Variants in INPP4B observed in about 807,000 individuals in gnomAD.
INPP4B encodes the protein inositol polyphosphate-4-phosphatase type II B.
Under a neutral mutation model 122.5 loss-of-function variants are expected in INPP4B, and 55 were observed. The observed-to-expected ratio is 0.45, with a 90% CI of 0.36 to 0.56. INPP4B has a LOEUF of 0.56. INPP4B is among the 20% of genes least tolerant of loss of function. The pLI is 0.00. For synonymous variants in INPP4B, 403 were observed against 388.7 expected (o/e 1.04, Z -0.43); for missense variants, 1,000 against 1,097.7 (o/e 0.91, Z 1.26).
chr4:142,816,820 G>A (rs1780172954), intron 1 of INPP4B, among the ~76,000 whole-genome samples: 1 of 151,960 alleles, frequency 6.6e-6, no homozygotes, highest in Non-Finnish European at 1.5e-5. Context: ...TACCTACTGA[G>A]TTCCAAATAC....
intron 7 of INPP4B, among the ~76,000 whole-genome samples, chr4:142,370,765 CAT>C (rs1561950763): frequency 6.6e-6 from 1 of 151,846 alleles, no homozygotes; most frequent in Non-Finnish European, 1.5e-5. Flanking sequence ...AATTGCAAAA[CAT>C]CAAAGAAAAA....
At chr4:142,093,711 A>T (rs572239163) in intron 23 of INPP4B, among the ~76,000 whole-genome samples, 4 of 152,298 alleles carry the variant, frequency 2.6e-5, no homozygotes, top group African/African-American at 9.6e-5. Flanking sequence ...ATAAGAACAG[A>T]CAAAACTCCA....
At chr4:142,569,377 T>G (rs1011593726) in intron 2 of INPP4B, among the ~76,000 whole-genome samples, 1 of 152,088 alleles carries the variant, frequency 6.6e-6, no homozygotes, top group African/African-American at 2.4e-5. Context: ...TTTGCTTGCT[T>G]TTGCTTATTA....
At chr4:142,430,727 C>A (rs1254991600) in intron 4 of INPP4B, among the ~76,000 whole-genome samples, 2 of 151,964 alleles carry the variant, frequency 1.3e-5, no homozygotes, top group Non-Finnish European at 2.9e-5. Context: ...GTCTAAATTT[C>A]TAGTGTAACA....
intron 1 of INPP4B, among the ~76,000 whole-genome samples, chr4:142,843,436 C>T (rs1783807122): frequency 6.6e-6 from 1 of 151,834 alleles, no homozygotes; most frequent in African/African-American, 2.4e-5. Flanking sequence ...ATATACAGGA[C>T]ATGTTGAAAA....
At chr4:142,317,789 GAACA>G (rs1172634677) in intron 7 of INPP4B, among the ~76,000 whole-genome samples, 1 of 152,016 alleles carries the variant, frequency 6.6e-6, no homozygotes, top group African/African-American at 2.4e-5. Context: ...AAACAAAAAT[GAACA>G]AACAAACATA....
At chr4:142,255,524 T>C (rs1410962710) in intron 11 of INPP4B, among the ~76,000 whole-genome samples, 2 of 151,598 alleles carry the variant, frequency 1.3e-5, no homozygotes, top group East Asian at 1.9e-4. Context: ...ACCAAGCAAA[T>C]GGAAAACAAA....
intron 9 of INPP4B, among the ~76,000 whole-genome samples, chr4:142,277,996 A>T (rs1029672817): frequency 6.6e-6 from 1 of 151,808 alleles, no homozygotes; most frequent in Non-Finnish European, 1.5e-5. Context: ...AATCACAGAA[A>T]TCACCACTAA....
Position 142,426,061 on chromosome 4 carries a change from T to C in INPP4B, c.136+3112A>G, listed in dbSNP as rs184491626. On this transcript the variant is annotated intron_variant, in intron 5 of 25. Transcript: ENST00000262992. ...CACATATGCAAACATATGCATGCCA[T>C]TCTTTCCTATGTATTTAATAGGTAT... Among the ~76,000 whole-genome samples the C allele has an allele frequency of 2.3e-3, 347 of 152,166 alleles. 1 individual carries two copies. Among genetic ancestry groups the C allele is most frequent in the Non-Finnish European group, 4.1e-3 (280 of 67,952 alleles).
At chr4:142,268,180 G>A (rs981525192) in intron 10 of INPP4B, among the ~76,000 whole-genome samples, 2 of 150,898 alleles carry the variant, frequency 1.3e-5, no homozygotes, top group African/African-American at 2.4e-5. Flanking sequence ...AAAATTAGCC[G>A]GGCATGGTGG....
intron 2 of INPP4B, among the ~76,000 whole-genome samples, chr4:142,553,199 CTT>C (rs1377172096): frequency 6.6e-6 from 1 of 152,114 alleles, no homozygotes; most frequent in African/African-American, 2.4e-5. Flanking sequence ...GTCAGAAGCT[CTT>C]GTTTCCTCAC....
intron 2 of INPP4B, among the ~76,000 whole-genome samples, chr4:142,606,259 G>A (rs1051295255): frequency 5.9e-5 from 9 of 151,814 alleles, no homozygotes; most frequent in Non-Finnish European, 1.0e-4. Context: ...GAAGGGTGGG[G>A]AAGGGATATA....
intron 12 of INPP4B, among the ~76,000 whole-genome samples, chr4:142,219,342 A>G (rs1848490467): frequency 1.3e-5 from 2 of 152,192 alleles, no homozygotes; most frequent in South Asian, 2.1e-4. Flanking sequence ...ATGAAGAACA[A>G]TAAGTATGTC....
intron 2 of INPP4B, among the ~76,000 whole-genome samples, chr4:142,559,531 A>C (rs1319414433): frequency 1.3e-5 from 2 of 152,174 alleles, no homozygotes; most frequent in Non-Finnish European, 2.9e-5. Context: ...ATCAAATAGC[A>C]AGGATGTCTT....
In INPP4B at chr4:142,026,468, T is replaced by A. The variant is rs1737033855; in HGVS notation, c.*2314A>T. 1 of 152,222 alleles carries A rather than the reference T, an allele frequency of 6.6e-6. No homozygotes were observed. The highest frequency in any genetic ancestry group is 6.6e-5 in the Admixed American group (1 of 15,264). The allele number at this position is 152,222 out of a possible 1,614,324, so 9.4% of individuals were successfully genotyped here. A position where few individuals can be genotyped will look rare whatever the true frequency, so the allele number is the denominator to read the frequency against. ...TAATTTGAGACTTCTATATTATTCA[T>A]TTATTTACTTATTTAAAGATGGAGT... On this transcript the variant is annotated 3_prime_UTR_variant, in exon 26 of 26. Transcript: ENST00000262992.
At chr4:142,580,238 T>C (rs529785326) in intron 2 of INPP4B, among the ~76,000 whole-genome samples, 5 of 151,942 alleles carry the variant, frequency 3.3e-5, no homozygotes, top group African/African-American at 7.2e-5. Context: ...CACTTACTAG[T>C]TGTGCTAGCT....
intron 7 of INPP4B, among the ~76,000 whole-genome samples, chr4:142,358,582 G>A (rs993005683): frequency 3.5e-4 from 51 of 147,098 alleles, no homozygotes; most frequent in African/African-American, 1.0e-3. Flanking sequence ...AAACTGCTAC[G>A]CCTAGGCTAT....
intron 12 of INPP4B, among the ~76,000 whole-genome samples, chr4:142,220,377 A>G (rs1375657137): frequency 1.3e-5 from 2 of 152,202 alleles, no homozygotes; most frequent in Admixed American, 1.3e-4. Context: ...ACTGCTGGAA[A>G]GCCAACCAAC....
At chr4:142,442,040 C>A (rs1811836106) in intron 3 of INPP4B, among the ~76,000 whole-genome samples, 1 of 151,440 alleles carries the variant, frequency 6.6e-6, no homozygotes, top group Admixed American at 6.6e-5. Context: ...TATTTTTTTT[C>A]TTAAATAAAA....
Sources: gnomAD v4.1 joint callset for allele counts (sites outside exome capture counted in the v4.1 genomes callset) on GRCh38, gnomAD v4.1.1 for gene constraint, MANE v1.5 for transcripts, NCBI Gene and HGNC (gene_info 2026-07-23, HGNC 2026-07-21) for gene names.